The following INPP5B variants were observed in gnomAD, a reference collection of about 807,000 sequenced individuals.
INPP5B encodes the protein type II inositol 1,4,5-trisphosphate 5-phosphatase.
A neutral mutation model predicts 118.5 loss-of-function variants in INPP5B; 90 were observed. The observed-to-expected ratio is 0.76, with a 90% CI of 0.64 to 0.90. The LOEUF is 0.90. Among genes scored for constraint, INPP5B ranks in the 40% least tolerant of loss-of-function variants. The probability of loss-of-function intolerance (pLI) is 0.00; values close to 1 mark genes in which losing one functional copy is unlikely to be tolerated. For missense variants in INPP5B, 984 were observed against 1,125.6 expected (o/e 0.87, Z 1.80); for synonymous variants, 385 against 418.9 (o/e 0.92, Z 0.99).
intron 19 of INPP5B, among the ~76,000 whole-genome samples, 155 bp downstream of exon 19, chr1:37,872,774 TG>T (rs774327213): frequency 2.3e-3 from 352 of 151,980 alleles, no homozygotes; most frequent in Non-Finnish European, 4.1e-3. Flanking sequence ...AATTTCAGGA[TG>T]GTTTGTAGCA....
chr1:37,918,924 GTT>G (rs1644962721), intron 7 of INPP5B, among the ~76,000 whole-genome samples: 1 of 152,096 alleles, frequency 6.6e-6, no homozygotes, highest in African/African-American at 2.4e-5. Context: ...TAGGTAATAC[GTT>G]CAATGCTTCA....
Position 37,872,063 on chromosome 1 carries a change from C to CAAAA in INPP5B, c.2187+863_2187+866dup, listed in dbSNP as rs34131982. On this transcript the variant is annotated intron_variant, in intron 19 of 23. Coordinates refer to ENST00000373024, the MANE Select transcript of INPP5B (RefSeq NM_005540.3). ...TGGACAACAGAGTGAGACTCCATCT[C>CAAAA]AAAAAAAAAAAAAAAAAAAAAAGCC... is the stretch of plus-strand genomic sequence containing the variant. 7.7e-3 allele frequency among the ~76,000 whole-genome samples: 446 copies of CAAAA among 58,192 alleles called. 19 individuals are homozygous for CAAAA. Among genetic ancestry groups the CAAAA allele is most frequent in the Non-Finnish European group, 0.012 (371 of 31,624 alleles). The allele number at this position is 58,192 out of a possible 152,430, so 38.2% of individuals were successfully genotyped here. A position where few individuals can be genotyped will look rare whatever the true frequency, so the allele number is the denominator to read the frequency against.
At chr1:37,901,313 G>T (rs1253870375) in intron 7 of INPP5B, among the ~76,000 whole-genome samples, 1 of 152,142 alleles carries the variant, frequency 6.6e-6, no homozygotes, top group Non-Finnish European at 1.5e-5. Context: ...GACATGAGAA[G>T]TCACTTCTGC....
intron 4 of INPP5B, 31 bp downstream of exon 4, chr1:37,943,765 A>G: frequency 1.2e-6 from 2 of 1,611,078 alleles, no homozygotes; most frequent in Non-Finnish European, 1.7e-6. Context: ...CCCATAGGAG[A>G]GGATTCATAC....
chr1:37,889,527 C>T lies in INPP5B; in HGVS notation c.797+30G>A, dbSNP rs775623941. 17 of 1,586,302 alleles carry T rather than the reference C, an allele frequency of 1.1e-5. No homozygotes were observed. In the East Asian group the frequency reaches 3.8e-4, roughly 36 times the overall value. Reference sequence around the variant, plus strand: ...CAGAGTGCCAAATGATCATTCTGCTCTGAAAACATCCTAGAACCCAGTTAG... The same window carrying T: ...CAGAGTGCCAAATGATCATTCTGCTTTGAAAACATCCTAGAACCCAGTTAG... On this transcript the variant is annotated intron_variant, in intron 9 of 23. Coordinates refer to ENST00000373024, the MANE Select transcript of INPP5B (RefSeq NM_005540.3).
intron 15 of INPP5B, 59 bp from the exon 16 acceptor site, chr1:37,878,382 C>CGAG: frequency 6.3e-7 from 1 of 1,597,994 alleles, no homozygotes; most frequent in South Asian, 1.1e-5. Flanking sequence ...CGCTGCCTGG[C>CGAG]GAGTGCCCTG....
intron 7 of INPP5B, among the ~76,000 whole-genome samples, chr1:37,922,405 G>A (rs188533823): frequency 2.6e-5 from 4 of 151,074 alleles, no homozygotes; most frequent in Non-Finnish European, 1.5e-5. Flanking sequence ...GAAATAAGCT[G>A]GGCTCCGTTT....
intron 10 of INPP5B, among the ~76,000 whole-genome samples, chr1:37,887,932 G>T (rs558615009): frequency 6.6e-6 from 1 of 152,164 alleles, no homozygotes; most frequent in South Asian, 2.1e-4. Flanking sequence ...AGATAGTTTT[G>T]CTTTGTAACC....
At chr1:37,869,560 A>C (rs1316512143) in intron 19 of INPP5B, among the ~76,000 whole-genome samples, 1 of 151,542 alleles carries the variant, frequency 6.6e-6, no homozygotes, top group Non-Finnish European at 1.5e-5. Context: ...GCTCACTGCA[A>C]CCTCCGCCTC....
chr1:37,881,104 C>T (rs1643173010), intron 14 of INPP5B, among the ~76,000 whole-genome samples: 1 of 152,172 alleles, frequency 6.6e-6, no homozygotes, highest in African/African-American at 2.4e-5. Context: ...GATTAGGTAC[C>T]ACTTAACAAA....
chr1:37,945,931 C>G, intron 2 of INPP5B, 81 bp from the exon 3 acceptor site: 1 of 1,304,026 alleles, frequency 7.7e-7, no homozygotes. Flanking sequence ...CTCTGTTCCC[C>G]TGCCCCCCCA....
At chr1:37,888,759 T>C (rs1022108854) in intron 9 of INPP5B, among the ~76,000 whole-genome samples, 1 of 152,220 alleles carries the variant, frequency 6.6e-6, no homozygotes, top group Non-Finnish European at 1.5e-5. Context: ...CTAGAAACAA[T>C]GTTATTTTAT....
At chr1:37,877,141 T>A (rs1019855545) in intron 16 of INPP5B, among the ~76,000 whole-genome samples, 4 of 151,130 alleles carry the variant, frequency 2.6e-5, no homozygotes, top group Non-Finnish European at 5.9e-5. Context: ...CCGAGTCAGG[T>A]GGATCACGAG....
rs1487099793 is a variant in INPP5B at position 37,946,241 on chromosome 1, A to G, written c.57+11T>C. On this transcript the variant is annotated intron_variant, in intron 2 of 23. Transcript: ENST00000373024. ...GCAGGCTCAGGGCCGCAGTTAGCAC[A>G]GGAAGGATATGATGACGCAGTATTC... The G allele has an allele frequency of 1.9e-6, 3 of 1,608,280 alleles. No homozygotes were observed. The highest frequency in any genetic ancestry group is 2.5e-6 in the Non-Finnish European group (3 of 1,177,164).
chr1:37,897,686 C>A, intron 7 of INPP5B, among the ~76,000 whole-genome samples: 1 of 151,446 alleles, frequency 6.6e-6, no homozygotes. Context: ...TGTCCTGTGA[C>A]CCTGCCAAAT....
At chr1:37,877,908 T>C (rs533077749) in intron 16 of INPP5B, among the ~76,000 whole-genome samples, 1 of 152,302 alleles carries the variant, frequency 6.6e-6, no homozygotes, top group East Asian at 1.9e-4. Flanking sequence ...TCCTCAATGT[T>C]GTATACACAA....
At chr1:37,914,058 G>A (rs771211300) in intron 7 of INPP5B, among the ~76,000 whole-genome samples, 41 of 151,882 alleles carry the variant, frequency 2.7e-4, no homozygotes, top group Non-Finnish European at 4.6e-4. Context: ...TGATAATCCT[G>A]CCACCCTTTG....
At chr1:37,889,397 C>T (rs1311448423) in intron 9 of INPP5B, among the ~76,000 whole-genome samples, 160 bp downstream of exon 9, 1 of 152,148 alleles carries the variant, frequency 6.6e-6, no homozygotes, top group Non-Finnish European at 1.5e-5. Flanking sequence ...GAATAAATGC[C>T]TGTTAATAAA....
At chr1:37,942,526 T>A (rs964415935) in intron 5 of INPP5B, among the ~76,000 whole-genome samples, 2 of 145,312 alleles carry the variant, frequency 1.4e-5, no homozygotes, top group African/African-American at 2.9e-5. Context: ...TTGCTTCTAT[T>A]ATTATTATTG....
Sources: allele counts gnomAD v4.1 joint callset (sites outside exome capture counted in the v4.1 genomes callset), GRCh38; gene constraint gnomAD v4.1.1; transcripts MANE v1.5; gene names NCBI Gene and HGNC (gene_info 2026-07-23, HGNC 2026-07-21).